Variants in RYR2 observed in about 807,000 individuals in gnomAD.
RYR2 encodes the protein ryanodine receptor 2.
A neutral mutation model predicts 601.1 loss-of-function variants in RYR2; 227 were observed. The observed-to-expected ratio is 0.38, with a 90% CI of 0.34 to 0.42. The LOEUF (loss-of-function observed/expected upper bound fraction) is 0.42, where lower values mean the gene tolerates loss of function less well. Among genes scored for constraint, RYR2 ranks in the 10% least tolerant of loss-of-function variants. RYR2 has a pLI of 1.00. For missense variants in RYR2, 4,646 were observed against 6,156.5 expected (o/e 0.75, Z 8.21); for synonymous variants, 2,223 against 2,175.1 (o/e 1.02, Z -0.61).
At chr1:237,621,940 A>G (rs1254500593) in intron 38 of RYR2, among the ~76,000 whole-genome samples, 1 of 152,178 alleles carries the variant, frequency 6.6e-6, no homozygotes, top group African/African-American at 2.4e-5. Flanking sequence ...GATCTTTGAG[A>G]TAAAGGAATT....
Position 237,590,980 on chromosome 1 carries a change from G to T in RYR2, c.4148G>T (p.Arg1383Leu). ...GATTATGCCCAGGAAAAGCCCTCTC[G>T]TCTGAAACAAAGGTTACTAATTTAT... ...HKDYAQEKPSRLKQRFLLRRT... is the reference protein window; with the variant it reads ...HKDYAQEKPSLLKQRFLLRRT... The change falls in exon 31 of 105, where the codon CGT becomes CTT. Residue 1383 changes from arginine (R) to leucine (L), a missense_variant. Physicochemically the swap from Arg to Leu is moderately radical, Grantham distance 102 (BLOSUM62 -2). Coordinates refer to ENST00000366574, the MANE Select transcript of RYR2 (RefSeq NM_001035.3). 6.2e-7 allele frequency: 1 copy of T among 1,611,372 alleles called. No individual in the cohort carries two copies. Among genetic ancestry groups the T allele is most frequent in the Non-Finnish European group, 8.5e-7 (1 of 1,178,586 alleles).
Position 237,784,622 on chromosome 1 carries a change from G to A in RYR2, c.12910G>A (p.Gly4304Ser). ...GCACTTCGTGGCCAGCGTTTTCAGA[G>A]GCTTTTTCCGCATCATTTGCAGCCT... is the stretch of plus-strand genomic sequence containing the variant. Reference protein sequence around the residue: ...LLHFVASVFRGFFRIICSLLL... With the variant: ...LLHFVASVFRSFFRIICSLLL... The change falls in exon 90 of 105, where the codon GGC becomes AGC. Residue 4304 changes from glycine to serine, a missense_variant. Physicochemically the swap from Gly to Ser is moderately conservative, Grantham distance 56. This residue lies in a region of RYR2 where 364 missense variants were observed against 442.9 expected (regional missense o/e 0.82). Coordinates refer to ENST00000366574, the MANE Select transcript of RYR2 (RefSeq NM_001035.3). The surrounding 1 kb of genome is among the most constrained non-coding windows in gnomAD (Gnocchi z 7.1). The A allele has an allele frequency of 6.2e-7, 1 of 1,613,816 alleles. No homozygotes were observed. The highest frequency in any genetic ancestry group is 2.2e-5 in the East Asian group (1 of 44,860).
Position 237,491,511 on chromosome 1 carries a change from C to T in RYR2, c.1709-295C>T, listed in dbSNP as rs149455722. On this transcript the variant is annotated intron_variant, in intron 17 of 104. Transcript: ENST00000366574. ...ATGAACGTATTCTTTAAGGCCCCAC[C>T]TCTGTGTTGCTTCGTGTACGCCCTC... Among the ~76,000 whole-genome samples the T allele has an allele frequency of 4.5e-3, 686 of 152,332 alleles. 4 individuals are homozygous for T. The highest frequency in any genetic ancestry group is 0.016 in the African/African-American group (655 of 41,572).
intron 56 of RYR2, among the ~76,000 whole-genome samples, chr1:237,661,617 C>G (rs753070057): frequency 3.3e-5 from 5 of 152,122 alleles, no homozygotes; most frequent in Non-Finnish European, 7.3e-5. Context: ...CTTCTCATTT[C>G]CAGTGGGATC....
At chr1:237,793,782 C>T (rs1573976412) in intron 94 of RYR2, 85 bp from the exon 95 acceptor site, 2 of 1,042,644 alleles carry the variant, frequency 1.9e-6, no homozygotes, top group Non-Finnish European at 2.8e-6. Flanking sequence ...ATATTTCTTT[C>T]CAAAAGCTGT....
rs143069240 is a variant in RYR2 at position 237,364,650 on chromosome 1, G to A, written c.309+278G>A. 1.7e-3 allele frequency among the ~76,000 whole-genome samples: 265 copies of A among 151,988 alleles called. 3 individuals are homozygous for A. The highest frequency in any genetic ancestry group is 6.8e-3 in the Middle Eastern group (2 of 294). ...GAGCTTTTAAATTTAGATAAATCAC[G>A]TTTAGATTTAACAACTCAACAAACA... On this transcript the variant is annotated intron_variant, in intron 5 of 104. Transcript: ENST00000366574.
chr1:237,050,355 G>T (rs1028577158), intron 1 of RYR2, among the ~76,000 whole-genome samples: 1 of 152,188 alleles, frequency 6.6e-6, no homozygotes, highest in Non-Finnish European at 1.5e-5. Flanking sequence ...AGTCTGGGAA[G>T]GGCTGAGGCG....
At chr1:237,230,675 T>A (rs1011532385) in intron 1 of RYR2, among the ~76,000 whole-genome samples, 2 of 152,202 alleles carry the variant, frequency 1.3e-5, no homozygotes, top group African/African-American at 4.8e-5. Flanking sequence ...TCCTAGCACT[T>A]TGGGAGGCCT....
At chr1:237,272,218 T>C (rs1689760651) in intron 2 of RYR2, among the ~76,000 whole-genome samples, 1 of 152,112 alleles carries the variant, frequency 6.6e-6, no homozygotes, top group South Asian at 2.1e-4. Context: ...CTTGGCCCTA[T>C]GGACTTTTAT....
At chr1:237,104,873 T>C (rs1479934032) in intron 1 of RYR2, among the ~76,000 whole-genome samples, 2 of 152,170 alleles carry the variant, frequency 1.3e-5, no homozygotes, top group Admixed American at 1.3e-4. Context: ...GCAGTGGAGA[T>C]TCAAGCTGGC....
At chr1:237,589,232 T>C (rs1301753272) in intron 29 of RYR2, among the ~76,000 whole-genome samples, 1 of 152,176 alleles carries the variant, frequency 6.6e-6, no homozygotes, top group East Asian at 1.9e-4. Flanking sequence ...AAAGCAAAAT[T>C]TTCTTCAAAG....
At chr1:237,246,801 A>G (rs544964547) in intron 1 of RYR2, among the ~76,000 whole-genome samples, 25 of 152,286 alleles carry the variant, frequency 1.6e-4, no homozygotes, top group African/African-American at 5.8e-4. Flanking sequence ...AATTTTGCTC[A>G]GAAATAAGAT....
intron 77 of RYR2, among the ~76,000 whole-genome samples, 145 bp from the exon 78 acceptor site, chr1:237,731,891 TACACACACAC>T (rs71561898): frequency 2.0e-5 from 3 of 147,404 alleles, no homozygotes; most frequent in East Asian, 2.0e-4. Context: ...GCATATAAAA[TACACACACAC>T]ACACACACAC....
intron 35 of RYR2, among the ~76,000 whole-genome samples, chr1:237,604,564 C>T (rs1676889027): frequency 6.6e-6 from 1 of 152,108 alleles, no homozygotes; most frequent in Non-Finnish European, 1.5e-5. Flanking sequence ...CAAGAAATAA[C>T]TAAGATCCGA....
intron 1 of RYR2, among the ~76,000 whole-genome samples, chr1:237,237,666 G>A (rs1243114409): frequency 1.3e-5 from 2 of 152,156 alleles, no homozygotes; most frequent in Non-Finnish European, 2.9e-5. Flanking sequence ...ATATTTCTTT[G>A]ACATATTTTG....
intron 1 of RYR2, among the ~76,000 whole-genome samples, chr1:237,215,495 T>C (rs1428352597): frequency 6.6e-6 from 1 of 152,184 alleles, no homozygotes; most frequent in Non-Finnish European, 1.5e-5. Context: ...TTTCCTTTTA[T>C]TATTTCATAT....
intron 99 of RYR2, among the ~76,000 whole-genome samples, chr1:237,807,873 C>T (rs921596746): frequency 2.6e-5 from 4 of 152,128 alleles, no homozygotes; most frequent in African/African-American, 9.7e-5. Flanking sequence ...AGAAAAAGTA[C>T]ACATAAAGAT....
At chr1:237,803,628 G>T (rs759157911) in intron 98 of RYR2, among the ~76,000 whole-genome samples, 2 of 152,072 alleles carry the variant, frequency 1.3e-5, no homozygotes, top group Non-Finnish European at 2.9e-5. Context: ...CCTTAGATTA[G>T]CTCCATCTGA....
In RYR2 at chr1:237,060,195, A is replaced by C. The variant is rs543826564; in HGVS notation, c.48+17626A>C. 2.0e-5 allele frequency among the ~76,000 whole-genome samples: 3 copies of C among 152,320 alleles called. 1 individual carries two copies. The highest frequency in any genetic ancestry group is 4.1e-4 in the South Asian group (2 of 4,832). ...ATCCACAGAAATACAAATTATATAT[A>C]AAATTATATGATTACTACCATTATC... On this transcript the variant is annotated intron_variant, in intron 1 of 104. Coordinates refer to ENST00000366574, the MANE Select transcript of RYR2 (RefSeq NM_001035.3).
Sources: allele counts gnomAD v4.1 joint callset (sites outside exome capture counted in the v4.1 genomes callset), GRCh38; gene constraint gnomAD v4.1.1; regional missense constraint gnomAD v4.1.1; non-coding constraint Gnocchi (gnomAD v3.1); transcripts MANE v1.5; gene names NCBI Gene and HGNC (gene_info 2026-07-23, HGNC 2026-07-21).